BCAS3: variants seen among roughly 807,000 people sequenced by gnomAD.
BCAS3 encodes BCAS4/BCAS3 fusion.
Under a neutral mutation model 116.1 loss-of-function variants are expected in BCAS3, and 53 were observed. The observed-to-expected ratio is 0.46, with a 90% CI of 0.37 to 0.57. The LOEUF is 0.57. Among genes scored for constraint, BCAS3 ranks in the 20% least tolerant of loss-of-function variants. The pLI, the probability that BCAS3 is intolerant of heterozygous loss-of-function variation, is 0.00. For synonymous variants in BCAS3, 391 were observed against 408.2 expected, an observed-to-expected ratio of 0.96 and a Z score of 0.51; for missense variants, 917 against 1,165.4, an observed-to-expected ratio of 0.79 and a Z score of 3.10.
chr17:61,260,197 T>C (rs753049773), intron 22 of BCAS3, among the ~76,000 whole-genome samples: 2 of 152,222 alleles, frequency 1.3e-5, no homozygotes, highest in Non-Finnish European at 2.9e-5. Context: ...ACTGTGGTAT[T>C]TCACACTAAC....
chr17:61,302,316 C>T lies in BCAS3; in HGVS notation c.2426-66011C>T, dbSNP rs957985444. On this transcript the variant is annotated intron_variant, in intron 22 of 23. Coordinates refer to ENST00000407086, the MANE Select transcript of BCAS3 (RefSeq NM_017679.5). This position sits in a 1 kb window ranked among gnomAD's most constrained non-coding sequence, Gnocchi z 4.4. Reference sequence around the variant, plus strand: ...GCTATGATGTCTTATTCTCCAGAGACGACTTCAAGTATTCAGCAATAACTC... The same window carrying T: ...GCTATGATGTCTTATTCTCCAGAGATGACTTCAAGTATTCAGCAATAACTC... Among the ~76,000 whole-genome samples, 4 of 152,190 alleles carry T rather than the reference C, an allele frequency of 2.6e-5. No individual in the cohort carries two copies. Among genetic ancestry groups the T allele is most frequent in the African/African-American group, 7.2e-5 (3 of 41,444 alleles).
chr17:60,880,891 C>G (rs1319889064), intron 9 of BCAS3, among the ~76,000 whole-genome samples: 1 of 152,120 alleles, frequency 6.6e-6, no homozygotes, highest in Non-Finnish European at 1.5e-5. Flanking sequence ...TGTCACTTAT[C>G]AGATATATCT....
intron 7 of BCAS3, among the ~76,000 whole-genome samples, chr17:60,827,728 T>C (rs1490068791): frequency 6.8e-6 from 1 of 146,538 alleles, no homozygotes; most frequent in African/African-American, 2.7e-5. Flanking sequence ...TTCTTTGTAA[T>C]GCACCCTTCC....
At chr17:60,982,207 T>C (rs1046038346) in intron 14 of BCAS3, among the ~76,000 whole-genome samples, 1 of 152,198 alleles carries the variant, frequency 6.6e-6, no homozygotes, top group Admixed American at 6.5e-5. Context: ...TTTTATTATA[T>C]ATAGCTATAT....
intron 22 of BCAS3, among the ~76,000 whole-genome samples, chr17:61,234,694 T>C (rs1212110648): frequency 6.6e-6 from 1 of 151,684 alleles, no homozygotes; most frequent in East Asian, 1.9e-4. Flanking sequence ...TAGCTAGTCA[T>C]TCCTGCCTGT....
intron 10 of BCAS3, among the ~76,000 whole-genome samples, chr17:60,893,316 C>T (rs2057299798): frequency 6.6e-6 from 1 of 152,104 alleles, no homozygotes; most frequent in South Asian, 2.1e-4. Flanking sequence ...TTGCCTAGGA[C>T]AATGTCTAGA....
At position 61,315,062 on chromosome 17, in the gene BCAS3, C is replaced by T. The variant is rs2054613400; in HGVS notation, c.2426-53265C>T. On this transcript the variant is annotated intron_variant, in intron 22 of 23. Coordinates refer to ENST00000407086, the MANE Select transcript of BCAS3 (RefSeq NM_017679.5). The surrounding 1 kb of genome is among the most constrained non-coding windows in gnomAD (Gnocchi z 5.3). The stretch of plus-strand genomic sequence containing the variant: ...AAAATGCCTTGAATCCTCTCCCCAG[C>T]ATTCCAGGGGCAGTCTCCTCCACAC... Among the ~76,000 whole-genome samples the T allele has an allele frequency of 6.6e-6, 1 of 152,128 alleles. No individual in the cohort carries two copies. The highest frequency in any genetic ancestry group is 2.4e-5 in the African/African-American group (1 of 41,410).
chr17:60,716,328 G>A (rs1046720891), intron 5 of BCAS3, among the ~76,000 whole-genome samples: 7 of 152,260 alleles, frequency 4.6e-5, no homozygotes, highest in African/African-American at 1.7e-4. Flanking sequence ...AAAAAAGCAT[G>A]ACATGTTAGG....
intron 13 of BCAS3, among the ~76,000 whole-genome samples, chr17:60,933,203 T>A (rs2059751835): frequency 6.6e-6 from 1 of 152,144 alleles, no homozygotes; most frequent in Non-Finnish European, 1.5e-5. Flanking sequence ...GAAATGACAT[T>A]TTTATGTAAT....
intron 19 of BCAS3, among the ~76,000 whole-genome samples, chr17:61,066,449 A>G: frequency 6.6e-6 from 1 of 152,200 alleles, no homozygotes; most frequent in East Asian, 1.9e-4. Context: ...ATTGCTTTAA[A>G]TGAAATGGTA....
intron 10 of BCAS3, among the ~76,000 whole-genome samples, chr17:60,891,019 C>T (rs571785569): frequency 6.6e-6 from 1 of 152,274 alleles, no homozygotes; most frequent in Non-Finnish European, 1.5e-5. Context: ...TATGTTACAT[C>T]TTCCTGAATT....
intron 7 of BCAS3, among the ~76,000 whole-genome samples, chr17:60,835,658 AAAAG>A (rs1457325923): frequency 3.3e-5 from 5 of 152,130 alleles, no homozygotes; most frequent in African/African-American, 1.2e-4. Context: ...TTGCTGCAAT[AAAAG>A]AAAGAAAGAG....
At chr17:60,817,038 G>T (rs890911822) in intron 7 of BCAS3, among the ~76,000 whole-genome samples, 2 of 152,136 alleles carry the variant, frequency 1.3e-5, no homozygotes, top group Non-Finnish European at 2.9e-5. Flanking sequence ...TGCATAATTA[G>T]CTCTCACCAA....
rs183608255 is a variant in BCAS3 at position 60,945,893 on chromosome 17, G to A, written c.1088-1326G>A. On this transcript the variant is annotated intron_variant, in intron 13 of 23. Coordinates refer to ENST00000407086, the MANE Select transcript of BCAS3 (RefSeq NM_017679.5). The stretch of plus-strand genomic sequence containing the variant: ...CCCAGCACTTTGGGAGGCTGAGTCC[G>A]GCGGATCATGAGGTCAGGAGATCGA... Among the ~76,000 whole-genome samples the A allele has an allele frequency of 1.4e-4, 21 of 152,110 alleles. No homozygotes were observed. The East Asian group carries it at 3.3e-3, about 24-fold the overall frequency.
At chr17:61,057,590 T>C (rs1418246163) in intron 19 of BCAS3, among the ~76,000 whole-genome samples, 1 of 152,082 alleles carries the variant, frequency 6.6e-6, no homozygotes, top group Non-Finnish European at 1.5e-5. Flanking sequence ...GTCCAGAAAC[T>C]CATGAAAATT....
intron 6 of BCAS3, among the ~76,000 whole-genome samples, chr17:60,802,365 TACATAC>T (rs1431627035): frequency 7.9e-6 from 1 of 126,812 alleles, no homozygotes; most frequent in Admixed American, 7.1e-5. Flanking sequence ...CATACATACA[TACATAC>T]ATATATATAT....
intron 7 of BCAS3, among the ~76,000 whole-genome samples, chr17:60,863,056 A>G (rs1394962939): frequency 6.6e-6 from 1 of 152,124 alleles, no homozygotes; most frequent in Non-Finnish European, 1.5e-5. Context: ...AGTTTTTGCT[A>G]TTATATTTTT....
At chr17:60,750,291 AAAAAG>A (rs2042346785) in intron 6 of BCAS3, among the ~76,000 whole-genome samples, 2 of 152,218 alleles carry the variant, frequency 1.3e-5, no homozygotes, top group Admixed American at 1.3e-4. Context: ...TTATGATTTA[AAAAAG>A]AAAAGTTTTA....
At chr17:61,000,751 G>A (rs2064179061) in intron 15 of BCAS3, among the ~76,000 whole-genome samples, 1 of 152,042 alleles carries the variant, frequency 6.6e-6, no homozygotes, top group Non-Finnish European at 1.5e-5. Context: ...AAGGCTTTTA[G>A]AACAATACTA....
Sources: gnomAD v4.1 joint callset for allele counts (sites outside exome capture counted in the v4.1 genomes callset) on GRCh38, gnomAD v4.1.1 for gene constraint, Gnocchi (gnomAD v3.1) non-coding constraint, MANE v1.5 for transcripts, NCBI Gene and HGNC (gene_info 2026-07-23, HGNC 2026-07-21) for gene names.